Variants in KLF17 observed in about 807,000 individuals in gnomAD.
KLF17 encodes the protein Krueppel-like factor 17.
In KLF17, 31 loss-of-function variants were observed where a neutral mutation model predicts 34.2. The ratio of observed to expected loss-of-function variants is 0.91; its 90% CI spans 0.68 to 1.22. KLF17 has a LOEUF of 1.22. Among genes scored for constraint, KLF17 ranks in the 50% most tolerant of loss-of-function variants. The probability of loss-of-function intolerance (pLI) is 0.00; values close to 1 mark genes in which losing one functional copy is unlikely to be tolerated. For missense variants in KLF17, 478 were observed against 505.2 expected (o/e 0.95, Z 0.52); for synonymous variants, 179 against 186.7 (o/e 0.96, Z 0.34).
At chr1:44,065,694 C>T in the KLF17 span, among the ~76,000 whole-genome samples, 1 of 149,816 alleles carries the variant, frequency 6.7e-6, no homozygotes, top group African/African-American at 2.5e-5. Flanking sequence ...CAGGCATGAG[C>T]CACTGCTCCC....
At chr1:44,119,092 C>T (rs2087915061) in intron 1 of KLF17, 104 bp downstream of exon 1, 1 of 721,334 alleles carries the variant, frequency 1.4e-6, no homozygotes, top group Non-Finnish European at 2.1e-6. Flanking sequence ...AGCAGAAACC[C>T]GAGGGGTAGA....
chr1:44,055,677 G>T, the KLF17 span, among the ~76,000 whole-genome samples: 2 of 152,170 alleles, frequency 1.3e-5, no homozygotes, highest in African/African-American at 2.4e-5. Context: ...AGAGCTGTTA[G>T]TGTACCCCCA....
the KLF17 span, among the ~76,000 whole-genome samples, chr1:44,094,366 A>G: frequency 6.6e-6 from 1 of 151,388 alleles, no homozygotes; most frequent in East Asian, 1.9e-4. Flanking sequence ...CTGTTTTTCC[A>G]TTTTTCTTTG....
At chr1:44,068,440 C>T in the KLF17 span, among the ~76,000 whole-genome samples, 1 of 152,206 alleles carries the variant, frequency 6.6e-6, no homozygotes, top group Non-Finnish European at 1.5e-5. Flanking sequence ...AGCAGGAGAG[C>T]TCCTGGGGCA....
In KLF17 at chr1:44,130,497, C is replaced by T; in HGVS notation, c.926-15C>T. On this transcript the variant is annotated splice_polypyrimidine_tract_variant and intron_variant, in intron 2 of 3. Transcript: ENST00000372299. Reference sequence around the variant, plus strand: ...TACTGTATTCTAAATTCCATCTCTCCCTTGTCATTCCCAGGTGAGAGGCCA... The same window carrying T: ...TACTGTATTCTAAATTCCATCTCTCTCTTGTCATTCCCAGGTGAGAGGCCA... 1 of 1,613,956 alleles carries T rather than the reference C, an allele frequency of 6.2e-7. No individual in the cohort carries two copies. Among genetic ancestry groups the T allele is most frequent in the Non-Finnish European group, 8.5e-7 (1 of 1,179,868 alleles).
At chr1:44,073,649 G>A in the KLF17 span, among the ~76,000 whole-genome samples, 1 of 152,174 alleles carries the variant, frequency 6.6e-6, no homozygotes, top group East Asian at 1.9e-4. Context: ...GAGAGAGGAG[G>A]AGATCCATTC....
the KLF17 span, among the ~76,000 whole-genome samples, chr1:44,099,897 GAAAGAAAGAAAGA>G: frequency 1.4e-4 from 8 of 57,994 alleles, no homozygotes; most frequent in African/African-American, 3.5e-4. Flanking sequence ...AAGAAAGAAA[GAAAGAAAGAAAGA>G]AAGAAAGAAA....
At chr1:44,097,028 T>A in the KLF17 span, among the ~76,000 whole-genome samples, 1 of 152,228 alleles carries the variant, frequency 6.6e-6, no homozygotes, top group African/African-American at 2.4e-5. Flanking sequence ...AGTGGTCTAG[T>A]TTCAGTTTTC....
Position 44,118,863 on chromosome 1 carries a change from GTTCCCTGTCTC to G in KLF17, c.-41_-31del. 2 of 1,501,610 alleles carry G rather than the reference GTTCCCTGTCTC, an allele frequency of 1.3e-6. No homozygotes were observed. Among genetic ancestry groups the G allele is most frequent in the Non-Finnish European group, 1.8e-6 (2 of 1,109,984 alleles). The allele number at this position is 1,501,610 out of a possible 1,614,324, so 93.0% of individuals were successfully genotyped here. ...CCCGCCTGCGACGCCGTGGTGGCTG[GTTCCCTGTCTC>G]TTCAGTAGAGAGTCTAGACCCCACC... On this transcript the variant is annotated 5_prime_UTR_variant, in exon 1 of 4. An upstream open reading frame in the 5' UTR gains an earlier in-frame stop. Coordinates refer to ENST00000372299, the MANE Select transcript of KLF17 (RefSeq NM_173484.4).
the KLF17 span, among the ~76,000 whole-genome samples, chr1:44,066,910 C>A: frequency 6.6e-6 from 1 of 152,072 alleles, no homozygotes; most frequent in East Asian, 1.9e-4. Flanking sequence ...TAAAGCAAGT[C>A]TTGAAGAGCA....
At chr1:44,126,517 A>T (rs2088009917) in intron 1 of KLF17, among the ~76,000 whole-genome samples, 2 of 152,236 alleles carry the variant, frequency 1.3e-5, no homozygotes, top group Non-Finnish European at 2.9e-5. Flanking sequence ...CAAAAAACTT[A>T]TAACAGACAA....
intron 1 of KLF17, chr1:44,122,054 T>G (rs2087952262): frequency 3.9e-6 from 3 of 759,934 alleles, no homozygotes; most frequent in South Asian, 1.6e-5. Context: ...TTCATTTTTT[T>G]GTCCCACTTT....
At chr1:44,063,601 C>A in the KLF17 span, among the ~76,000 whole-genome samples, 3 of 152,180 alleles carry the variant, frequency 2.0e-5, no homozygotes, top group Admixed American at 6.5e-5. Context: ...CATCTGATTT[C>A]TTTTCTTAAA....
At chr1:44,132,044 C>T (rs1334516298) in intron 3 of KLF17, among the ~76,000 whole-genome samples, 4 of 152,108 alleles carry the variant, frequency 2.6e-5, no homozygotes, top group South Asian at 2.1e-4. Context: ...CAGTGGCTCA[C>T]GCCTGTAATC....
At chr1:44,046,078 A>C in the KLF17 span, 1 of 151,664 alleles carries the variant, frequency 6.6e-6, no homozygotes. Flanking sequence ...AAGAAAAATA[A>C]AACAGATGTC....
At chr1:44,074,039 A>G in the KLF17 span, among the ~76,000 whole-genome samples, 2 of 152,166 alleles carry the variant, frequency 1.3e-5, no homozygotes, top group Non-Finnish European at 2.9e-5. Flanking sequence ...GAAAGAAGGA[A>G]TAAGTGAGTC....
intron 1 of KLF17, among the ~76,000 whole-genome samples, chr1:44,126,591 T>C (rs1414806277): frequency 6.6e-6 from 1 of 152,194 alleles, no homozygotes; most frequent in Non-Finnish European, 1.5e-5. Flanking sequence ...TACCCTGCTA[T>C]CTTCCTTGAT....
In KLF17 at chr1:44,130,657, T is replaced by C. The variant is rs1356953637; in HGVS notation, c.1071T>C (p.His357=). 31 of 1,614,028 alleles carry C rather than the reference T, an allele frequency of 1.9e-5. No homozygotes were observed. In the East Asian group the frequency reaches 6.7e-4, roughly 35 times the overall value. Residue 357 remains histidine, a synonymous_variant, in exon 3 of 4, where the codon CAT becomes CAC. Transcript: ENST00000372299. ...QCSREFMRSD[H]LKQHQKTHRP... ...GCCGGGAGTTCATGAGGTCTGACCA[T>C]CTCAAGCAACACCAGAAGACTCATC... is the stretch of plus-strand genomic sequence containing the variant.
At chr1:44,109,515 C>A in the KLF17 span, among the ~76,000 whole-genome samples, 7 of 152,264 alleles carry the variant, frequency 4.6e-5, no homozygotes, top group Admixed American at 4.6e-4. Context: ...CATCTTTTTA[C>A]TGATTTTACC....
Sources: gnomAD v4.1 joint callset for allele counts (sites outside exome capture counted in the v4.1 genomes callset) on GRCh38, gnomAD v4.1.1 for gene constraint, MANE v1.5 for transcripts, NCBI Gene and HGNC (gene_info 2026-07-23, HGNC 2026-07-21) for gene names.